Variants in PRRG4 observed in about 807,000 individuals in gnomAD.
PRRG4 encodes the protein proline rich and Gla domain 4.
In PRRG4, 12 loss-of-function variants were observed where a neutral mutation model predicts 20.0. That is an observed-to-expected ratio of 0.60 (90% confidence interval 0.38 to 0.97). The LOEUF is 0.97. Ranked by LOEUF, PRRG4 falls within the 50% of genes least tolerant of loss-of-function variation. The pLI is 0.00. For synonymous variants in PRRG4, 94 were observed against 96.4 expected (o/e 0.98, Z 0.15); for missense variants, 199 against 265.1 (o/e 0.75, Z 1.73).
In PRRG4 at chr11:32,830,621, C is replaced by A; in HGVS notation, c.92C>A (p.Ala31Glu). Reference protein sequence around the residue: ...CARGPKASKHAGEEVFTSKEE... With the variant: ...CARGPKASKHEGEEVFTSKEE... ...AGAGGTCCAAAGGCTTCTAAGCATG[C>A]GGGAGAAGAAGGTAAGCACTAAAAC... The change falls in exon 2 of 6, where the codon GCG (alanine) becomes GAG (glutamate). Residue 31 changes from alanine to glutamate, a missense_variant. Physicochemically the swap from Ala to Glu is moderately radical, Grantham distance 107. Transcript: ENST00000257836. The A allele has an allele frequency of 6.2e-7, 1 of 1,613,660 alleles. No homozygotes were observed. Among genetic ancestry groups the A allele is most frequent in the Non-Finnish European group, 8.5e-7 (1 of 1,179,844 alleles).
chr11:32,839,719 A>AGTATT (rs1565114609), intron 4 of PRRG4, among the ~76,000 whole-genome samples: 7 of 137,538 alleles, frequency 5.1e-5, no homozygotes, highest in African/African-American at 2.0e-4. Flanking sequence ...TTAAAATATA[A>AGTATT]ATATATTTTG....
At position 32,853,280 on chromosome 11, in the gene PRRG4, T is replaced by C; in HGVS notation, c.450-16T>C. On this transcript the variant is annotated splice_polypyrimidine_tract_variant and intron_variant, in intron 5 of 5. Transcript: ENST00000257836. Reference sequence around the variant, plus strand: ...ATGCTACCTTTCCTAGACCTAAATGTTGTCTCTCTGCTTAGCTCTTCAGCC... The same window carrying C: ...ATGCTACCTTTCCTAGACCTAAATGCTGTCTCTCTGCTTAGCTCTTCAGCC... 2 of 1,590,666 alleles carry C rather than the reference T, an allele frequency of 1.3e-6. No homozygotes were observed. The highest frequency in any genetic ancestry group is 8.6e-7 in the Non-Finnish European group (1 of 1,159,032).
intron 2 of PRRG4, among the ~76,000 whole-genome samples, chr11:32,835,014 T>A (rs535849803): frequency 9.9e-5 from 15 of 152,078 alleles, no homozygotes; most frequent in Non-Finnish European, 2.2e-4. Flanking sequence ...GGGTTTCATC[T>A]TGTTGCCCAG....
intron 2 of PRRG4, among the ~76,000 whole-genome samples, chr11:32,833,014 G>A (rs965698063): frequency 6.6e-6 from 1 of 152,170 alleles, no homozygotes; most frequent in Non-Finnish European, 1.5e-5. Context: ...ATGGTCAAGG[G>A]GAAAATAGGA....
intron 5 of PRRG4, among the ~76,000 whole-genome samples, chr11:32,851,273 T>C (rs1851181012): frequency 6.6e-6 from 1 of 151,826 alleles, no homozygotes; most frequent in African/African-American, 2.4e-5. Context: ...GATGTAATTA[T>C]TACATTGTTT....
chr11:32,838,194 T>C (rs1406235476), intron 3 of PRRG4, among the ~76,000 whole-genome samples: 2 of 152,292 alleles, frequency 1.3e-5, no homozygotes, highest in African/African-American at 2.4e-5. Context: ...CAGTGGCTCA[T>C]GCTTGTAATC....
rs750890101 is a variant in PRRG4 at position 32,853,552 on chromosome 11, A to T, written c.*25A>T. 1.3e-6 allele frequency: 2 copies of T among 1,582,682 alleles called. No individual in the cohort carries two copies. Among genetic ancestry groups the T allele is most frequent in the Non-Finnish European group, 1.7e-6 (2 of 1,156,058 alleles). On this transcript the variant is annotated 3_prime_UTR_variant, in exon 6 of 6. Coordinates refer to ENST00000257836, the MANE Select transcript of PRRG4 (RefSeq NM_024081.6). ...ACTACCTTGTCATTTTGGTATAAGAAATTTGTGTTATTTGATAGGCCGGGC... is the reference window on the plus strand; with the variant it reads ...ACTACCTTGTCATTTTGGTATAAGATATTTGTGTTATTTGATAGGCCGGGC...
At chr11:32,831,536 A>C (rs1850971324) in intron 2 of PRRG4, among the ~76,000 whole-genome samples, 1 of 152,258 alleles carries the variant, frequency 6.6e-6, no homozygotes, top group Non-Finnish European at 1.5e-5. Flanking sequence ...CTCTGATGAC[A>C]GAATTCTAGC....
At chr11:32,843,809 G>A (rs1590674034) in intron 5 of PRRG4, among the ~76,000 whole-genome samples, 1 of 151,072 alleles carries the variant, frequency 6.6e-6, no homozygotes, top group Non-Finnish European at 1.5e-5. Context: ...CTCTCCCTAG[G>A]CTTTAGCAAC....
intron 5 of PRRG4, among the ~76,000 whole-genome samples, chr11:32,848,971 T>C (rs71479186): frequency 0.13 from 15,571 of 120,864 alleles, 866 homozygotes; most frequent in Non-Finnish European, 0.15. Context: ...GACTCTGTCT[T>C]AAAAAAAAAA....
chr11:32,850,540 C>CT (rs1373326171), intron 5 of PRRG4, among the ~76,000 whole-genome samples: 1 of 152,214 alleles, frequency 6.6e-6, no homozygotes, highest in Non-Finnish European at 1.5e-5. Flanking sequence ...CAGCAACTCT[C>CT]TGAGTTTCAG....
chr11:32,839,030 A>G (rs1259703892), intron 4 of PRRG4, 100 bp downstream of exon 4: 15 of 797,016 alleles, frequency 1.9e-5, no homozygotes, highest in Non-Finnish European at 3.0e-5. Flanking sequence ...CGCAACATAC[A>G]TACCTTATAA....
intron 5 of PRRG4, among the ~76,000 whole-genome samples, chr11:32,849,688 A>T (rs976809716): frequency 6.6e-6 from 1 of 152,122 alleles, no homozygotes; most frequent in African/African-American, 2.4e-5. Flanking sequence ...AAATATAAAA[A>T]AATAAAGTAA....
At chr11:32,833,888 T>G (rs1850996839) in intron 2 of PRRG4, among the ~76,000 whole-genome samples, 1 of 150,536 alleles carries the variant, frequency 6.6e-6, no homozygotes. Flanking sequence ...GGACAGGGAG[T>G]GCCAGGGGTG....
rs1388337763 is a variant in PRRG4, at chr11:32,853,340, T to C, written c.494T>C (p.Ile165Thr). Reference protein sequence around the residue: ...YERGRHTPSIIFRRPEEAALS... With the variant: ...YERGRHTPSITFRRPEEAALS... ...AGGGGGAGGCACACTCCCTCCATCA[T>C]TTTCAGAAGACCTGAGGAGGCTGCC... is the stretch of plus-strand genomic sequence containing the variant. The change falls in exon 6 of 6, where the codon ATT becomes ACT. Residue 165 changes from isoleucine to threonine, a missense_variant. Physicochemically the swap from Ile to Thr is moderately conservative, Grantham distance 89. Coordinates refer to ENST00000257836, the MANE Select transcript of PRRG4 (RefSeq NM_024081.6). The C allele has an allele frequency of 2.5e-6, 4 of 1,614,092 alleles. No homozygotes were observed. The highest frequency in any genetic ancestry group is 1.6e-4 in the Middle Eastern group (1 of 6,062).
intron 5 of PRRG4, among the ~76,000 whole-genome samples, chr11:32,842,938 G>A (rs1165898791): frequency 6.7e-6 from 1 of 149,844 alleles, no homozygotes; most frequent in African/African-American, 2.5e-5. Context: ...TGCAACCTCT[G>A]CCTCCTGGGT....
intron 2 of PRRG4, among the ~76,000 whole-genome samples, chr11:32,833,717 T>A (rs1447414947): frequency 6.6e-6 from 1 of 152,210 alleles, no homozygotes. Flanking sequence ...TTGAGTTTGT[T>A]CATTCAGTCA....
rs1349309752 is a variant in PRRG4, at chr11:32,830,637, G to A, written c.103+5G>A. 1.2e-6 allele frequency: 2 copies of A among 1,613,944 alleles called. No homozygotes were observed. Among genetic ancestry groups the A allele is most frequent in the Non-Finnish European group, 1.7e-6 (2 of 1,179,988 alleles). ...CTAAGCATGCGGGAGAAGAAGGTAA[G>A]CACTAAAACGTCCCTGGAACCCAGA... On this transcript the variant is annotated splice_donor_5th_base_variant and intron_variant, in intron 2 of 5. Transcript: ENST00000257836.
rs1267584572 is a variant in PRRG4, at chr11:32,855,954, C to T, written c.*2427C>T. On this transcript the variant is annotated 3_prime_UTR_variant, in exon 6 of 6. Coordinates refer to ENST00000257836, the MANE Select transcript of PRRG4 (RefSeq NM_024081.6). ...ATGAGTGAGCACACTTTTCTAGTCC[C>T]ATGTCATGCCTATAAAATTACACTG... 1 of 152,138 alleles carries T rather than the reference C, an allele frequency of 6.6e-6. No homozygotes were observed. Among genetic ancestry groups the T allele is most frequent in the African/African-American group, 2.4e-5 (1 of 41,448 alleles). 9.4% of individuals were successfully genotyped at this position (152,138 alleles called of 1,614,324 possible).
Sources: allele counts gnomAD v4.1 joint callset (sites outside exome capture counted in the v4.1 genomes callset), GRCh38; gene constraint gnomAD v4.1.1; transcripts MANE v1.5; gene names NCBI Gene and HGNC (gene_info 2026-07-23, HGNC 2026-07-21).